The following TPD52 variants were observed in gnomAD, a reference collection of about 807,000 sequenced individuals.
TPD52 encodes prostate and colon associated protein.
A neutral mutation model predicts 31.3 loss-of-function variants in TPD52; 17 were observed. The observed-to-expected ratio is 0.54, with a 90% confidence interval of 0.37 to 0.82. The LOEUF is 0.82. Ranked by LOEUF, TPD52 falls within the 40% of genes least tolerant of loss-of-function variation. The pLI is 0.00. For missense variants in TPD52, 212 were observed against 240.1 expected, an observed-to-expected ratio of 0.88 and a Z score of 0.77; for synonymous variants, 83 against 89.6, an observed-to-expected ratio of 0.93 and a Z score of 0.42.
At chr8:80,048,152 C>T (rs1029176684) in intron 5 of TPD52, among the ~76,000 whole-genome samples, 5 of 152,218 alleles carry the variant, frequency 3.3e-5, no homozygotes, top group Non-Finnish European at 7.3e-5. Flanking sequence ...CTCATGACCA[C>T]GTCCTCCTTG....
intron 1 of TPD52, among the ~76,000 whole-genome samples, chr8:80,070,088 T>A (rs1437782572): frequency 6.6e-6 from 1 of 152,174 alleles, no homozygotes; most frequent in East Asian, 1.9e-4. Context: ...GCCACATACT[T>A]TCACAAATTT....
intron 1 of TPD52, among the ~76,000 whole-genome samples, chr8:80,098,185 G>A (rs927030048): frequency 6.6e-6 from 1 of 152,178 alleles, no homozygotes; most frequent in African/African-American, 2.4e-5. Context: ...GATGTACAAG[G>A]AGATGAATGT....
intron 1 of TPD52, among the ~76,000 whole-genome samples, chr8:80,106,782 G>A (rs1807152967): frequency 6.7e-6 from 1 of 150,164 alleles, no homozygotes; most frequent in African/African-American, 2.5e-5. Flanking sequence ...GATGATATCT[G>A]TGGCCATGAG....
Position 80,036,279 on chromosome 8 carries a change from A to G in TPD52, c.*1837T>C, listed in dbSNP as rs981291531. ...AGTAGCAGGGCAGGATGCTCAAGAAACAATGTGATCAAAAGAATATGTTTG... is the reference window on the plus strand; with the variant it reads ...AGTAGCAGGGCAGGATGCTCAAGAAGCAATGTGATCAAAAGAATATGTTTG... On this transcript the variant is annotated 3_prime_UTR_variant, in exon 8 of 8. Coordinates refer to ENST00000518937, the MANE Select transcript of TPD52 (RefSeq NM_001025253.3). 6.5e-6 allele frequency: 1 copy of G among 152,752 alleles called. No individual in the cohort carries two copies. Among genetic ancestry groups the G allele is most frequent in the Admixed American group, 6.5e-5 (1 of 15,294 alleles). The allele number at this position is 152,752 out of a possible 1,614,324, so 9.5% of individuals were successfully genotyped here.
intron 1 of TPD52, among the ~76,000 whole-genome samples, chr8:80,081,795 C>T (rs1465598947): frequency 1.3e-4 from 20 of 151,660 alleles, no homozygotes; most frequent in Admixed American, 1.3e-3. Context: ...ACTCTATTTA[C>T]AGTAGGTCTT....
chr8:80,101,742 C>T (rs1355230341), intron 1 of TPD52, among the ~76,000 whole-genome samples: 2 of 152,042 alleles, frequency 1.3e-5, no homozygotes, highest in Non-Finnish European at 2.9e-5. Context: ...GTGAACCAAC[C>T]GGGTGAGAAC....
At chr8:80,120,744 T>C (rs1413590304) in intron 1 of TPD52, among the ~76,000 whole-genome samples, 1 of 152,146 alleles carries the variant, frequency 6.6e-6, no homozygotes, top group East Asian at 1.9e-4. Flanking sequence ...TTCAGTTGCC[T>C]TATGTCTTAT....
chr8:80,071,187 C>T (rs533288660), intron 1 of TPD52, among the ~76,000 whole-genome samples: 4 of 152,232 alleles, frequency 2.6e-5, no homozygotes, highest in Admixed American at 1.3e-4. Flanking sequence ...CCTCCAGAAC[C>T]GGGTGATAAG....
intron 1 of TPD52, among the ~76,000 whole-genome samples, chr8:80,074,260 A>G (rs1814261384): frequency 6.6e-6 from 1 of 152,226 alleles, no homozygotes; most frequent in African/African-American, 2.4e-5. Context: ...TTAAACCTAG[A>G]GGCATAAAAA....
chr8:80,121,942 TAAAG>T (rs1255214331), intron 1 of TPD52, among the ~76,000 whole-genome samples: 1 of 127,062 alleles, frequency 7.9e-6, no homozygotes. Context: ...ATGTAATTAA[TAAAG>T]AAATTATGTT....
chr8:80,064,597 G>T lies in TPD52; in HGVS notation c.20-4C>A. 1 of 1,612,260 alleles carries T rather than the reference G, an allele frequency of 6.2e-7. No homozygotes were observed. On this transcript the variant is annotated splice_region_variant and splice_polypyrimidine_tract_variant and intron_variant, in intron 1 of 7. Transcript: ENST00000518937. ...ACTGGGTCTGTTCTCAGCAGACCTGGTTGGGGATTTAAACCATTTTTTAAA... is the reference window on the plus strand; with the variant it reads ...ACTGGGTCTGTTCTCAGCAGACCTGTTTGGGGATTTAAACCATTTTTTAAA...
chr8:80,142,398 G>A (rs1437551969), intron 1 of TPD52, among the ~76,000 whole-genome samples: 1 of 152,202 alleles, frequency 6.6e-6, no homozygotes, highest in African/African-American at 2.4e-5. Context: ...TGAAGACGCT[G>A]TCTCTAGTCA....
chr8:80,140,950 C>CGTGTGT (rs142097159), intron 1 of TPD52, among the ~76,000 whole-genome samples: 6,661 of 143,726 alleles, frequency 0.046, 185 homozygotes, highest in East Asian at 0.075. Context: ...CAATACAACT[C>CGTGTGT]GTGTGTGTGT....
chr8:80,063,134 G>A (rs1223963225), intron 2 of TPD52, among the ~76,000 whole-genome samples: 1 of 152,024 alleles, frequency 6.6e-6, no homozygotes, highest in Admixed American at 6.6e-5. Flanking sequence ...TAGTCAAAAG[G>A]TGAAAAATCA....
intron 7 of TPD52, chr8:80,042,197 G>A (rs1345663639): frequency 1.4e-5 from 14 of 985,168 alleles, no homozygotes; most frequent in African/African-American, 3.5e-5. Flanking sequence ...TTTTTAAAGC[G>A]TAACAGCATA....
chr8:80,051,339 G>C, intron 4 of TPD52, 188 bp downstream of exon 4: 1 of 566,704 alleles, frequency 1.8e-6, no homozygotes, highest in Non-Finnish European at 3.1e-6. Flanking sequence ...ATGATCATTT[G>C]ATGTTAGAAT....
intron 1 of TPD52, among the ~76,000 whole-genome samples, chr8:80,108,845 G>A (rs1490141724): frequency 6.6e-6 from 1 of 152,206 alleles, no homozygotes; most frequent in Admixed American, 6.5e-5. Flanking sequence ...TCTACTGCTT[G>A]CAGCAATTTG....
At chr8:80,082,097 C>T (rs1347346866) in intron 1 of TPD52, among the ~76,000 whole-genome samples, 4 of 150,870 alleles carry the variant, frequency 2.7e-5, no homozygotes, top group South Asian at 2.1e-4. Flanking sequence ...TGTGAGCCAC[C>T]GTGCCCGGAC....
intron 1 of TPD52, among the ~76,000 whole-genome samples, chr8:80,078,120 T>A (rs1814805412): frequency 6.6e-6 from 1 of 152,228 alleles, no homozygotes; most frequent in Admixed American, 6.5e-5. Context: ...TAAAACTCCC[T>A]AATAAAAGGC....
Sources: allele counts gnomAD v4.1 joint callset (sites outside exome capture counted in the v4.1 genomes callset), GRCh38; gene constraint gnomAD v4.1.1; transcripts MANE v1.5; gene names NCBI Gene and HGNC (gene_info 2026-07-23, HGNC 2026-07-21).